Variants in CHRNA3 observed in about 807,000 individuals in gnomAD.
The protein encoded by CHRNA3 is cholinergic receptor nicotinic alpha 3 subunit, also known as neuronal acetylcholine receptor subunit alpha-3.
A neutral mutation model predicts 41.9 loss-of-function variants in CHRNA3; 34 were observed. The observed-to-expected ratio is 0.81, with a 90% CI of 0.62 to 1.08. CHRNA3 has a LOEUF of 1.08. CHRNA3 is among the 50% of genes least tolerant of loss of function. CHRNA3 has a pLI of 0.00. For synonymous variants in CHRNA3, 281 were observed against 265.2 expected (o/e 1.06, Z -0.58); for missense variants, 542 against 638.3 (o/e 0.85, Z 1.63).
chr15:78,608,724 G>A (rs2053336898), intron 4 of CHRNA3, among the ~76,000 whole-genome samples: 1 of 151,536 alleles, frequency 6.6e-6, no homozygotes, highest in Non-Finnish European at 1.5e-5. Flanking sequence ...GAACAAAGCT[G>A]GACGGAGAAT....
chr15:78,612,121 C>T (rs1164682426), intron 4 of CHRNA3, among the ~76,000 whole-genome samples: 13 of 152,062 alleles, frequency 8.5e-5, no homozygotes, highest in East Asian at 1.9e-4. Context: ...GAATCAATAT[C>T]GTGAAAATGG....
intron 5 of CHRNA3, among the ~76,000 whole-genome samples, chr15:78,599,296 C>A (rs1240166988): frequency 1.3e-5 from 2 of 152,086 alleles, no homozygotes; most frequent in African/African-American, 4.8e-5. Context: ...CTCCTAAAGT[C>A]TTTAAAGCAC....
intron 4 of CHRNA3, among the ~76,000 whole-genome samples, chr15:78,605,100 G>C (rs577184918): frequency 2.0e-5 from 3 of 152,152 alleles, no homozygotes; most frequent in Admixed American, 2.0e-4. Flanking sequence ...CAAACCATGT[G>C]AGGCAATTAA....
intron 1 of CHRNA3, 53 bp downstream of exon 1, chr15:78,620,660 G>A (rs901191246): frequency 1.1e-5 from 16 of 1,494,088 alleles, no homozygotes; most frequent in South Asian, 1.2e-5. Context: ...TCCGGACCCC[G>A]CGCCCCTTCT....
chr15:78,596,276 A>G lies in CHRNA3; in HGVS notation c.*328T>C. The G allele has an allele frequency of 3.0e-6, 3 of 998,816 alleles. No homozygotes were observed. The highest frequency in any genetic ancestry group is 2.4e-6 in the Non-Finnish European group (2 of 838,984). 61.9% of individuals were successfully genotyped at this position (998,816 alleles called of 1,614,324 possible). ...TGAATGACTTTTCATATTTCTGAACAGCATTTTTCTATCCAGTTTTGTTTC... is the reference window on the plus strand; with the variant it reads ...TGAATGACTTTTCATATTTCTGAACGGCATTTTTCTATCCAGTTTTGTTTC... On this transcript the variant is annotated 3_prime_UTR_variant, in exon 6 of 6. Transcript: ENST00000326828.
chr15:78,619,852 C>G (rs994617144), intron 1 of CHRNA3: 1 of 152,368 alleles, frequency 6.6e-6, no homozygotes, highest in Non-Finnish European at 1.5e-5. Context: ...TAGGATTTTT[C>G]CTGCTCCCCA....
At chr15:78,601,230 T>C (rs1596072922) in intron 5 of CHRNA3, 23 bp downstream of exon 5, 1 of 1,599,512 alleles carries the variant, frequency 6.3e-7, no homozygotes, top group South Asian at 1.1e-5. Context: ...GAATGACCAA[T>C]GTAATAAAAG....
At chr15:78,594,854 A>G (rs1308552189), downstream of CHRNA3, 2 of 152,236 alleles carry the variant, frequency 1.3e-5, no homozygotes, top group Non-Finnish European at 2.9e-5. Context: ...GATGTAATCA[A>G]TCTTAGCCTA....
At chr15:78,620,395 G>GGGGCAGGGCGACGGGCAGCGCA in intron 1 of CHRNA3, 1 of 368,152 alleles carries the variant, frequency 2.7e-6, no homozygotes, top group Non-Finnish European at 4.8e-6. Context: ...CGGGCAGCGC[G>GGGGCAGGGCGACGGGCAGCGCA]GGGACGCGAA....
intron 4 of CHRNA3, among the ~76,000 whole-genome samples, chr15:78,615,700 A>G (rs1488060739): frequency 6.6e-6 from 1 of 151,286 alleles, no homozygotes; most frequent in Non-Finnish European, 1.5e-5. Flanking sequence ...AAAGACAGTG[A>G]GGAACAAAGA....
chr15:78,598,359 AGTG>A (rs1178810297), intron 5 of CHRNA3, among the ~76,000 whole-genome samples: 5 of 152,168 alleles, frequency 3.3e-5, no homozygotes, highest in African/African-American at 1.2e-4. Flanking sequence ...GAATAGAAAT[AGTG>A]GTGCAAAAAG....
chr15:78,606,382 G>A (rs928008655), intron 4 of CHRNA3, among the ~76,000 whole-genome samples: 4 of 148,126 alleles, frequency 2.7e-5, no homozygotes, highest in African/African-American at 7.4e-5. Flanking sequence ...TAACACACAC[G>A]CAGATAACAG....
In CHRNA3 at chr15:78,612,914, TG is replaced by T. The variant is rs1260751961; in HGVS notation, c.377+4109del. ...CCCATCAAAAAGTGGGTGAAGGATA[TG>T]AACAGACACTTCTCAAAAGAAGACA... On this transcript the variant is annotated intron_variant, in intron 4 of 5. Coordinates refer to ENST00000326828, the MANE Select transcript of CHRNA3 (RefSeq NM_000743.5). Among the ~76,000 whole-genome samples, 11 of 151,586 alleles carry T rather than the reference TG, an allele frequency of 7.3e-5. 1 individual carries two copies. The highest frequency in any genetic ancestry group is 2.7e-4 in the African/African-American group (11 of 41,096).
intron 4 of CHRNA3, among the ~76,000 whole-genome samples, chr15:78,604,237 T>C (rs1417627364): frequency 6.6e-6 from 1 of 152,244 alleles, no homozygotes; most frequent in Non-Finnish European, 1.5e-5. Context: ...ACCGTCACTG[T>C]ATGACCCACA....
At chr15:78,618,953 TTACTTA>T (rs758044593) in intron 1 of CHRNA3, 38 bp from the exon 2 acceptor site, 300 of 1,607,310 alleles carry the variant, frequency 1.9e-4, no homozygotes, top group Non-Finnish European at 2.5e-4. Context: ...GGGGAAATCG[TTACTTA>T]ACCTCCCCCA....
At chr15:78,617,507 C>T (rs941909513) in intron 3 of CHRNA3, among the ~76,000 whole-genome samples, 4 of 152,126 alleles carry the variant, frequency 2.6e-5, no homozygotes, top group Non-Finnish European at 5.9e-5. Flanking sequence ...AATGGCTCTC[C>T]AGGGGTGTTT....
chr15:78,619,168 G>C, intron 1 of CHRNA3: 2 of 549,250 alleles, frequency 3.6e-6, no homozygotes, highest in Admixed American at 6.5e-5. Flanking sequence ...TCTGGAGTTG[G>C]ACAGATCTGG....
At chr15:78,600,447 G>A (rs571029655) in intron 5 of CHRNA3, among the ~76,000 whole-genome samples, 2 of 152,280 alleles carry the variant, frequency 1.3e-5, no homozygotes, top group African/African-American at 4.8e-5. Context: ...TAGGGGCCCT[G>A]GGAGTGTTCT....
intron 5 of CHRNA3, among the ~76,000 whole-genome samples, chr15:78,598,835 ATT>A (rs34934996): frequency 2.4e-4 from 28 of 118,282 alleles, no homozygotes; most frequent in African/African-American, 5.7e-4. Context: ...TGCACCCGGC[ATT>A]TTTTTTTTTT....
Sources: gnomAD v4.1 joint callset for allele counts (sites outside exome capture counted in the v4.1 genomes callset) on GRCh38, gnomAD v4.1.1 for gene constraint, MANE v1.5 for transcripts, NCBI Gene and HGNC (gene_info 2026-07-23, HGNC 2026-07-21) for gene names.